Variants in HNF4A observed in about 807,000 individuals in gnomAD.
HNF4A encodes hepatocyte nuclear factor 4 alpha.
A neutral mutation model predicts 52.4 loss-of-function variants in HNF4A; 15 were observed. The ratio of observed to expected loss-of-function variants is 0.29; its 90% CI spans 0.19 to 0.44. The LOEUF (loss-of-function observed/expected upper bound fraction) is 0.44, where lower values mean the gene tolerates loss of function less well. Among genes scored for constraint, HNF4A ranks in the 20% least tolerant of loss-of-function variants. HNF4A has a pLI of 1.00. For missense variants in HNF4A, 479 were observed against 647.2 expected (o/e 0.74, Z 2.82); for synonymous variants, 280 against 264.4 (o/e 1.06, Z -0.57).
intron 3 of HNF4A, 143 bp from the exon 4 acceptor site, chr20:44,413,551 A>AT: frequency 1.4e-6 from 1 of 700,452 alleles, no homozygotes; most frequent in South Asian, 1.5e-5. Context: ...GTTAGAGGCC[A>AT]TCTCCCCTCA....
chr20:44,373,051 C>T (rs774563401), intron 1 of HNF4A: 25 of 152,130 alleles, frequency 1.6e-4, no homozygotes, highest in Non-Finnish European at 2.5e-4. Flanking sequence ...TCCACTTCAA[C>T]GAGAAGTGAA....
intron 1 of HNF4A, among the ~76,000 whole-genome samples, chr20:44,378,232 G>A (rs1435306356): frequency 6.6e-6 from 1 of 150,740 alleles, no homozygotes; most frequent in Non-Finnish European, 1.5e-5. Flanking sequence ...CAATTTGTAG[G>A]CATTTTTTAG....
intron 1 of HNF4A, among the ~76,000 whole-genome samples, chr20:44,358,587 G>T (rs1568684936): frequency 6.6e-6 from 1 of 151,910 alleles, no homozygotes; most frequent in East Asian, 1.9e-4. Flanking sequence ...CTCCAGCTTG[G>T]GCAGCAGAAC....
At chr20:44,418,074 T>C (rs2063690764) in intron 5 of HNF4A, among the ~76,000 whole-genome samples, 1 of 152,064 alleles carries the variant, frequency 6.6e-6, no homozygotes, top group South Asian at 2.1e-4. Context: ...TTGGAACTTT[T>C]TGGGATCATA....
chr20:44,411,026 A>C (rs1006704908), intron 3 of HNF4A, among the ~76,000 whole-genome samples: 1 of 152,204 alleles, frequency 6.6e-6, no homozygotes, highest in East Asian at 1.9e-4. Context: ...GTGGGCCAAC[A>C]GCAGGTCAAG....
chr20:44,374,622 C>A (rs1286588771), intron 1 of HNF4A, among the ~76,000 whole-genome samples: 1 of 152,142 alleles, frequency 6.6e-6, no homozygotes, highest in Non-Finnish European at 1.5e-5. Flanking sequence ...TGCCACCATG[C>A]CTGGCTAATT....
chr20:44,366,364 TA>T (rs113311131), intron 1 of HNF4A, among the ~76,000 whole-genome samples: 1,919 of 152,326 alleles, frequency 0.013, 47 homozygotes, highest in African/African-American at 0.044. Context: ...CACACGCCTG[TA>T]ATCCTAGTAC....
At chr20:44,412,575 A>C (rs921523151) in intron 3 of HNF4A, among the ~76,000 whole-genome samples, 1 of 152,088 alleles carries the variant, frequency 6.6e-6, no homozygotes, top group Non-Finnish European at 1.5e-5. Context: ...GTTGGAAGGC[A>C]CTGGTTTTGA....
At chr20:44,392,606 A>C (rs541293123) in intron 1 of HNF4A, among the ~76,000 whole-genome samples, 1 of 152,282 alleles carries the variant, frequency 6.6e-6, no homozygotes, top group South Asian at 2.1e-4. Context: ...AGCCTCCCAA[A>C]GTGCTAGGAT....
At chr20:44,374,967 A>C (rs2063069673) in intron 1 of HNF4A, among the ~76,000 whole-genome samples, 2 of 152,214 alleles carry the variant, frequency 1.3e-5, no homozygotes, top group South Asian at 4.1e-4. Flanking sequence ...ACAGTGTATA[A>C]GTGTTCCCTT....
At chr20:44,399,043 C>T (rs114462744), upstream of HNF4A, among the ~76,000 whole-genome samples, 569 of 152,312 alleles carry the variant, frequency 3.7e-3, 5 homozygotes, top group African/African-American at 0.013. Flanking sequence ...AGGCTCCTCC[C>T]GGAGCTGCCC....
Position 44,379,251 on chromosome 20 carries a change from T to C in HNF4A, c.49+23398T>C, listed in dbSNP as rs188590735. Among the ~76,000 whole-genome samples, 16 of 152,356 alleles carry C rather than the reference T, an allele frequency of 1.1e-4. No homozygotes were observed. In the East Asian group the frequency reaches 3.1e-3, roughly 29 times the overall value. On this transcript the variant is annotated intron_variant, in intron 1 of 9. Coordinates refer to the HNF4A transcript ENST00000316673. ...TTGGCTATTATGAATAATGCTGCTATGAACTTGAGTATACAAATCTCTCTT... is the reference window on the plus strand; with the variant it reads ...TTGGCTATTATGAATAATGCTGCTACGAACTTGAGTATACAAATCTCTCTT...
Position 44,428,540 on chromosome 20 carries a change from C to T in HNF4A, c.1282+53C>T, listed in dbSNP as rs2063840021. On this transcript the variant is annotated intron_variant, in intron 9 of 9. Transcript: ENST00000316099. ...CAAAGGGTGAGGATGGGGCTTAAGA[C>T]AGGAGGCAGGAGAAAGTGGAGTCTA... is the stretch of plus-strand genomic sequence containing the variant. The T allele has an allele frequency of 3.2e-6, 5 of 1,547,900 alleles. No individual in the cohort carries two copies. The African/African-American group carries it at 4.1e-5, about 13-fold the overall frequency.
intron 1 of HNF4A, among the ~76,000 whole-genome samples, chr20:44,367,277 G>C (rs2062978799): frequency 6.6e-6 from 1 of 151,048 alleles, no homozygotes; most frequent in Non-Finnish European, 1.5e-5. Context: ...GGAGGTTGCG[G>C]TGAGCCGAGA....
chr20:44,374,153 C>T (rs931800945), intron 1 of HNF4A, among the ~76,000 whole-genome samples: 6 of 152,120 alleles, frequency 3.9e-5, no homozygotes, highest in African/African-American at 9.7e-5. Flanking sequence ...TCTAGAAGTC[C>T]GCAGCGTCTA....
chr20:44,363,578 T>C (rs1309452824), intron 1 of HNF4A, among the ~76,000 whole-genome samples: 1 of 152,014 alleles, frequency 6.6e-6, no homozygotes, highest in East Asian at 1.9e-4. Flanking sequence ...AGGAGGCAGA[T>C]GAGAGGCATA....
intron 1 of HNF4A, among the ~76,000 whole-genome samples, chr20:44,357,632 T>C (rs1290077359): frequency 6.6e-6 from 1 of 152,128 alleles, no homozygotes; most frequent in Non-Finnish European, 1.5e-5. Context: ...TCATCTCTGC[T>C]CCTGTGTCAT....
At chr20:44,369,033 G>C (rs903616255) in intron 1 of HNF4A, among the ~76,000 whole-genome samples, 1 of 151,764 alleles carries the variant, frequency 6.6e-6, no homozygotes, top group South Asian at 2.1e-4. Context: ...AGATCACAAG[G>C]TCAGGAGTTC....
At chr20:44,399,106 C>A (rs960395766), upstream of HNF4A, among the ~76,000 whole-genome samples, 1 of 152,208 alleles carries the variant, frequency 6.6e-6, no homozygotes, top group Non-Finnish European at 1.5e-5. Context: ...TTCTTCCCAC[C>A]TCTGCACTGC....
Sources: allele counts gnomAD v4.1 joint callset (sites outside exome capture counted in the v4.1 genomes callset), GRCh38; gene constraint gnomAD v4.1.1; transcripts MANE v1.5; gene names NCBI Gene and HGNC (gene_info 2026-07-23, HGNC 2026-07-21).